ADAMTS2: variants seen among roughly 807,000 people sequenced by gnomAD.
ADAMTS2 encodes the protein ADAM metallopeptidase with thrombospondin type 1 motif 2.
ADAMTS2 carries 50 observed loss-of-function variants against 123.0 expected under a neutral mutation model. The ratio of observed to expected loss-of-function variants is 0.41; its 90% CI spans 0.32 to 0.51. ADAMTS2 has a LOEUF of 0.51. Ranked by LOEUF, ADAMTS2 falls within the 20% of genes least tolerant of loss-of-function variation. The pLI is 0.35. For synonymous variants in ADAMTS2, 678 were observed against 695.4 expected (o/e 0.98, Z 0.39); for missense variants, 1,494 against 1,705.2 (o/e 0.88, Z 2.18).
chr5:179,270,732 C>G (rs757700828), intron 3 of ADAMTS2, among the ~76,000 whole-genome samples: 4 of 152,218 alleles, frequency 2.6e-5, no homozygotes, highest in Non-Finnish European at 4.4e-5. Context: ...GCCTGGTGCC[C>G]TTCCAGTCAG....
chr5:179,126,087 G>T lies in ADAMTS2; in HGVS notation c.2661C>A (p.His887Gln). The change falls in exon 18 of 22, where the codon CAC becomes CAA. Residue 887 changes from histidine (H) to glutamine (Q), a missense_variant. Around this residue, in one of 6 missense-constraint regions of ADAMTS2, gnomAD observed 953 missense variants for 1,124.7 expected, o/e 0.85. Transcript: ENST00000251582. Reference protein sequence around the residue: ...TKYGCRRRLDHKMVHRGFCAA... With the variant: ...TKYGCRRRLDQKMVHRGFCAA... Reference sequence around the variant, plus strand: ...CACAGAAGCCACGGTGTACCATCTTGTGGTCCAGCCTCCGGCGGCAGCCAT... The same window carrying T: ...CACAGAAGCCACGGTGTACCATCTTTTGGTCCAGCCTCCGGCGGCAGCCAT... The T allele has an allele frequency of 6.2e-7, 1 of 1,613,190 alleles. No individual in the cohort carries two copies. The highest frequency in any genetic ancestry group is 1.1e-5 in the South Asian group (1 of 91,086).
At chr5:179,192,702 G>A (rs1207412239) in intron 4 of ADAMTS2, among the ~76,000 whole-genome samples, 2 of 152,206 alleles carry the variant, frequency 1.3e-5, no homozygotes, top group African/African-American at 4.8e-5. Flanking sequence ...CCTCCTGTCT[G>A]GCTGCAGGGA....
Position 179,180,071 on chromosome 5 carries a change from G to C in ADAMTS2, c.975+1001C>G, listed in dbSNP as rs1433791038. Among the ~76,000 whole-genome samples, 1 of 152,160 alleles carries C rather than the reference G, an allele frequency of 6.6e-6. No individual in the cohort carries two copies. Among genetic ancestry groups the C allele is most frequent in the African/African-American group, 2.4e-5 (1 of 41,424 alleles). On this transcript the variant is annotated intron_variant, in intron 5 of 21. Coordinates refer to ENST00000251582, the MANE Select transcript of ADAMTS2 (RefSeq NM_014244.5). This position sits in a 1 kb window ranked among gnomAD's most constrained non-coding sequence, Gnocchi z 4.6. ...ACATTAAGCCTCGGTGTTCTTATCT[G>C]TGAAATGGGCAGAGTCACAGTGTGC...
chr5:179,282,826 A>C (rs1766953849), intron 2 of ADAMTS2, among the ~76,000 whole-genome samples: 2 of 152,178 alleles, frequency 1.3e-5, no homozygotes, highest in South Asian at 4.1e-4. Flanking sequence ...CTGTAATCCC[A>C]GCACTTTGGG....
Position 179,239,382 on chromosome 5 carries a change from T to C in ADAMTS2, c.689-31667A>G, listed in dbSNP as rs564085629. Among the ~76,000 whole-genome samples, 167 of 152,096 alleles carry C rather than the reference T, an allele frequency of 1.1e-3. 1 individual carries two copies. The highest frequency in any genetic ancestry group is 3.8e-3 in the African/African-American group (158 of 41,484). On this transcript the variant is annotated intron_variant, in intron 3 of 21. Transcript: ENST00000251582. ...TTGGCTGTGCAAATGGAAGGAAGGA[T>C]CAGCCGTGCACAGAGCTGGGGAAGG...
intron 4 of ADAMTS2, among the ~76,000 whole-genome samples, chr5:179,198,012 C>A (rs1011370239): frequency 2.0e-5 from 3 of 152,184 alleles, no homozygotes; most frequent in Non-Finnish European, 2.9e-5. Flanking sequence ...AATACCAAAG[C>A]CCCAGGGTCA....
chr5:179,308,706 C>A lies in ADAMTS2; in HGVS notation c.534+35061G>T, dbSNP rs1581263019. On this transcript the variant is annotated intron_variant, in intron 2 of 21. Coordinates refer to ENST00000251582, the MANE Select transcript of ADAMTS2 (RefSeq NM_014244.5). The surrounding 1 kb of genome is among the most constrained non-coding windows in gnomAD (Gnocchi z 6.6). ...CCTCCTTCCTAAGGTGGTGTCCCAG[C>A]AGATGAATCTGGCTGGCGTCCTGAG... Among the ~76,000 whole-genome samples the A allele has an allele frequency of 6.6e-6, 1 of 152,212 alleles. No homozygotes were observed. Among genetic ancestry groups the A allele is most frequent in the East Asian group, 1.9e-4 (1 of 5,186 alleles).
chr5:179,343,408 G>A (rs2127463160), intron 2 of ADAMTS2, among the ~76,000 whole-genome samples: 3 of 152,288 alleles, frequency 2.0e-5, no homozygotes, highest in South Asian at 4.1e-4. Flanking sequence ...ACACACCAAC[G>A]TTCCACAACA....
chr5:179,299,481 A>T (rs974777592), intron 2 of ADAMTS2, among the ~76,000 whole-genome samples: 1 of 145,142 alleles, frequency 6.9e-6, no homozygotes, highest in Non-Finnish European at 1.5e-5. Context: ...GTGAGCCAAG[A>T]TCACACCACA....
intron 3 of ADAMTS2, 95 bp from the exon 4 acceptor site, chr5:179,207,810 C>T (rs1764741603): frequency 9.2e-7 from 1 of 1,087,496 alleles, no homozygotes; most frequent in Non-Finnish European, 1.4e-6. Context: ...ATTTAAAACT[C>T]ATAGCACCCT....
chr5:179,342,805 C>T (rs936477421), intron 2 of ADAMTS2, among the ~76,000 whole-genome samples: 8 of 152,202 alleles, frequency 5.3e-5, no homozygotes, highest in African/African-American at 1.4e-4. Context: ...GACAGAGCAC[C>T]GCCAATGTCA....
intron 2 of ADAMTS2, among the ~76,000 whole-genome samples, chr5:179,273,995 C>T (rs545143270): frequency 2.6e-4 from 39 of 151,982 alleles, no homozygotes; most frequent in Non-Finnish European, 5.0e-4. Context: ...AATCCCCATT[C>T]TCCCACCCCA....
At chr5:179,257,860 C>T (rs1561644564) in intron 3 of ADAMTS2, among the ~76,000 whole-genome samples, 1 of 152,160 alleles carries the variant, frequency 6.6e-6, no homozygotes, top group Non-Finnish European at 1.5e-5. Context: ...ACACGGCTTT[C>T]ACAAATTTTG....
chr5:179,232,983 G>A (rs769777850), intron 3 of ADAMTS2, among the ~76,000 whole-genome samples: 16 of 152,120 alleles, frequency 1.1e-4, no homozygotes, highest in Non-Finnish European at 1.9e-4. Flanking sequence ...AATTATGCAC[G>A]ACCATGAGCA....
intron 3 of ADAMTS2, among the ~76,000 whole-genome samples, chr5:179,269,327 G>T (rs763720584): frequency 3.3e-5 from 5 of 152,216 alleles, no homozygotes; most frequent in Admixed American, 1.3e-4. Flanking sequence ...TCACAATGCT[G>T]ATAAAGACAT....
Position 179,308,868 on chromosome 5 carries a change from C to T in ADAMTS2, c.534+34899G>A, listed in dbSNP as rs903156712. Among the ~76,000 whole-genome samples, 4 of 152,196 alleles carry T rather than the reference C, an allele frequency of 2.6e-5. No homozygotes were observed. The highest frequency in any genetic ancestry group is 6.5e-5 in the Admixed American group (1 of 15,288). ...GGAGCCAGACAGCCACTGAAGCCCT[C>T]GGGGTACTGTTCCCTGCCTTTAGCA... is the stretch of plus-strand genomic sequence containing the variant. On this transcript the variant is annotated intron_variant, in intron 2 of 21. Coordinates refer to ENST00000251582, the MANE Select transcript of ADAMTS2 (RefSeq NM_014244.5). This position sits in a 1 kb window ranked among gnomAD's most constrained non-coding sequence, Gnocchi z 6.6.
intron 3 of ADAMTS2, among the ~76,000 whole-genome samples, chr5:179,226,410 G>A (rs1037057964): frequency 2.0e-5 from 3 of 150,582 alleles, no homozygotes; most frequent in Admixed American, 6.6e-5. Context: ...GGGATTACAG[G>A]TGCCTGCTAT....
At chr5:179,190,394 T>C (rs1393159016) in intron 4 of ADAMTS2, among the ~76,000 whole-genome samples, 1 of 152,142 alleles carries the variant, frequency 6.6e-6, no homozygotes. Flanking sequence ...TGATTGGTGA[T>C]GGCCTGGATG....
At chr5:179,252,004 C>CTTTTTT (rs1765938359) in intron 3 of ADAMTS2, among the ~76,000 whole-genome samples, 1 of 147,008 alleles carries the variant, frequency 6.8e-6, no homozygotes. Flanking sequence ...TTTTCTTTTT[C>CTTTTTT]TTTTCTTTTT....
Sources: gnomAD v4.1 joint callset for allele counts (sites outside exome capture counted in the v4.1 genomes callset) on GRCh38, gnomAD v4.1.1 for gene constraint, gnomAD v4.1.1 regional missense constraint, Gnocchi (gnomAD v3.1) non-coding constraint, MANE v1.5 for transcripts, NCBI Gene and HGNC (gene_info 2026-07-23, HGNC 2026-07-21) for gene names.